Variants in CYP2J2 observed in about 807,000 individuals in gnomAD.
CYP2J2 encodes the protein cytochrome P450 2J2.
A neutral mutation model predicts 48.8 loss-of-function variants in CYP2J2; 41 were observed. The ratio of observed to expected loss-of-function variants is 0.84; its 90% CI spans 0.66 to 1.09. The LOEUF is 1.09. Among genes scored for constraint, CYP2J2 ranks in the 50% least tolerant of loss-of-function variants. CYP2J2 has a pLI of 0.00. For missense variants in CYP2J2, 644 were observed against 617.3 expected, an observed-to-expected ratio of 1.04 and a Z score of -0.46; for synonymous variants, 221 against 227.1, an observed-to-expected ratio of 0.97 and a Z score of 0.24.
the CYP2J2 span, among the ~76,000 whole-genome samples, chr1:59,966,875 T>C: frequency 6.6e-6 from 1 of 152,144 alleles, no homozygotes; most frequent in South Asian, 2.1e-4. Context: ...AATTTGTTAC[T>C]TTCTGGATGG....
intron 4 of CYP2J2, among the ~76,000 whole-genome samples, chr1:59,910,383 A>G (rs1036960884): frequency 6.6e-6 from 1 of 152,206 alleles, no homozygotes; most frequent in East Asian, 1.9e-4. Flanking sequence ...AAAATAATTC[A>G]GGGACAGTGG....
At chr1:59,957,173 C>T in the CYP2J2 span, among the ~76,000 whole-genome samples, 6 of 152,034 alleles carry the variant, frequency 3.9e-5, no homozygotes, top group South Asian at 2.1e-4. Flanking sequence ...ATTTGTTCAA[C>T]GCAATGATAG....
At chr1:59,939,021 G>A in the CYP2J2 span, among the ~76,000 whole-genome samples, 1 of 152,198 alleles carries the variant, frequency 6.6e-6, no homozygotes, top group South Asian at 2.1e-4. Context: ...TCCAGGTTGG[G>A]GCAAAGAGAT....
chr1:59,926,380 G>C lies in CYP2J2; in HGVS notation c.210+157C>G, dbSNP rs1002457779. The stretch of plus-strand genomic sequence containing the variant: ...TGGAATCATGCCAGTTAATGGGTTA[G>C]GAAATGAAACTCAAAGTGGGTTTTA... On this transcript the variant is annotated intron_variant, in intron 1 of 8. Coordinates refer to ENST00000371204, the MANE Select transcript of CYP2J2 (RefSeq NM_000775.4). 3 of 635,564 alleles carry C rather than the reference G, an allele frequency of 4.7e-6. No homozygotes were observed. The African/African-American group carries it at 5.5e-5, about 12-fold the overall frequency. The allele number at this position is 635,564 out of a possible 1,614,324, so 39.4% of individuals were successfully genotyped here.
chr1:59,909,791 A>T lies in CYP2J2; in HGVS notation c.854T>A (p.Met285Lys), dbSNP rs757621876. 2 of 1,578,070 alleles carry T rather than the reference A, an allele frequency of 1.3e-6. No homozygotes were observed. The highest frequency in any genetic ancestry group is 1.7e-6 in the Non-Finnish European group (2 of 1,168,138). ...TGACTTTGGTTTTCTCACCTTTGAC[A>T]TTTCTTTAAGGTAAGCATCAATAAA... ...RDFIDAYLKE[M>K]SKHTGNPTSS... The change falls in exon 5 of 9, where the codon ATG (methionine) becomes AAG (lysine). Residue 285 changes from methionine to lysine, a missense_variant. Transcript: ENST00000371204.
At chr1:59,935,970 T>C in the CYP2J2 span, among the ~76,000 whole-genome samples, 1 of 152,172 alleles carries the variant, frequency 6.6e-6, no homozygotes, top group East Asian at 1.9e-4. Flanking sequence ...CAAAAAAAAG[T>C]TTGGCTAGGC....
At chr1:59,916,418 T>C (rs1045440260) in intron 1 of CYP2J2, among the ~76,000 whole-genome samples, 2 of 152,196 alleles carry the variant, frequency 1.3e-5, no homozygotes, top group African/African-American at 4.8e-5. Flanking sequence ...GAGCAAGGCA[T>C]GAGGATAAAA....
intron 6 of CYP2J2, among the ~76,000 whole-genome samples, chr1:59,905,783 C>T (rs967855332): frequency 6.6e-6 from 1 of 152,176 alleles, no homozygotes; most frequent in African/African-American, 2.4e-5. Context: ...GATAGGACTG[C>T]TCCCAGTTTC....
chr1:59,937,608 C>T, the CYP2J2 span, among the ~76,000 whole-genome samples: 1 of 152,188 alleles, frequency 6.6e-6, no homozygotes, highest in Admixed American at 6.5e-5. Context: ...ATCTCTTTCT[C>T]TAGGTTTGGG....
chr1:59,927,626 G>A (rs970488723), upstream of CYP2J2, among the ~76,000 whole-genome samples: 21 of 151,916 alleles, frequency 1.4e-4, no homozygotes, highest in East Asian at 2.1e-3. Flanking sequence ...TTGCTCTGTC[G>A]CCCAGGCTGG....
intron 6 of CYP2J2, among the ~76,000 whole-genome samples, chr1:59,905,784 TCCCA>T (rs1644359714): frequency 6.6e-6 from 1 of 152,220 alleles, no homozygotes; most frequent in East Asian, 1.9e-4. Context: ...ATAGGACTGC[TCCCA>T]GTTTCTTTCA....
At chr1:59,945,218 T>C in the CYP2J2 span, among the ~76,000 whole-genome samples, 1 of 152,174 alleles carries the variant, frequency 6.6e-6, no homozygotes, top group Non-Finnish European at 1.5e-5. Context: ...TGAATTCTTT[T>C]GTGGTTTAAT....
the CYP2J2 span, among the ~76,000 whole-genome samples, chr1:59,951,281 T>A: frequency 1.2e-4 from 18 of 152,306 alleles, no homozygotes; most frequent in Admixed American, 1.2e-3. Flanking sequence ...TTATCTCTGA[T>A]CCTTCTCCAG....
intron 2 of CYP2J2, among the ~76,000 whole-genome samples, chr1:59,915,271 T>G (rs967640552): frequency 1.3e-5 from 2 of 152,200 alleles, no homozygotes; most frequent in African/African-American, 4.8e-5. Context: ...CACTTTTCTT[T>G]CTCTATACTT....
the CYP2J2 span, among the ~76,000 whole-genome samples, chr1:59,958,352 C>T: frequency 6.6e-6 from 1 of 152,188 alleles, no homozygotes; most frequent in Non-Finnish European, 1.5e-5. Context: ...TTTCCATATC[C>T]TTAACCTCTT....
chr1:59,964,085 T>C, the CYP2J2 span, among the ~76,000 whole-genome samples: 1 of 152,196 alleles, frequency 6.6e-6, no homozygotes, highest in Non-Finnish European at 1.5e-5. Context: ...AAGACCAGCC[T>C]CTTAATTTTT....
At chr1:59,920,317 C>T (rs954958423) in intron 1 of CYP2J2, among the ~76,000 whole-genome samples, 3 of 151,344 alleles carry the variant, frequency 2.0e-5, no homozygotes, top group Admixed American at 6.6e-5. Flanking sequence ...AGCAAGAGAG[C>T]TACCTTGTCT....
At chr1:59,918,282 T>A (rs545767652) in intron 1 of CYP2J2, among the ~76,000 whole-genome samples, 1 of 152,318 alleles carries the variant, frequency 6.6e-6, no homozygotes, top group South Asian at 2.1e-4. Context: ...TAAGGATGTT[T>A]TTGGAAGAGC....
At chr1:59,968,478 C>G in the CYP2J2 span, among the ~76,000 whole-genome samples, 1 of 152,066 alleles carries the variant, frequency 6.6e-6, no homozygotes, top group Non-Finnish European at 1.5e-5. Context: ...GGAGTCCCAC[C>G]GAGAAGAGAT....
Sources: gnomAD v4.1 joint callset for allele counts (sites outside exome capture counted in the v4.1 genomes callset) on GRCh38, gnomAD v4.1.1 for gene constraint, MANE v1.5 for transcripts, NCBI Gene and HGNC (gene_info 2026-07-23, HGNC 2026-07-21) for gene names.